SATL1: variants seen among roughly 807,000 people sequenced by gnomAD.
SATL1 encodes the protein spermidine/spermine N1-acetyl transferase like 1.
In SATL1, 47 loss-of-function variants were observed where a neutral mutation model predicts 51.8. That is an observed-to-expected ratio of 0.91 (90% CI 0.72 to 1.16). The LOEUF is 1.16. Ranked by LOEUF, SATL1 falls within the 50% of genes most tolerant of loss-of-function variation. The pLI is 0.00. For missense variants in SATL1, 520 were observed against 526.4 expected (o/e 0.99, Z 0.12); for synonymous variants, 176 against 182.4 (o/e 0.97, Z 0.28).
chrX:85,104,136 T>A (rs1924970636), intron 3 of SATL1, among the ~76,000 whole-genome samples: 1 of 111,882 alleles, frequency 8.9e-6, no homozygotes, highest in Admixed American at 9.5e-5. Flanking sequence ...ACTATGTTTA[T>A]ACCTCACACA....
chrX:85,185,861 C>T (rs1484698103), intron 2 of SATL1, among the ~76,000 whole-genome samples: 1 of 109,840 alleles, frequency 9.1e-6, no homozygotes, highest in Non-Finnish European at 1.9e-5. Flanking sequence ...GACAAAGTCC[C>T]CTTTACTCTT....
intron 2 of SATL1, among the ~76,000 whole-genome samples, chrX:85,197,508 T>C (rs1476508112): frequency 9.1e-6 from 1 of 110,468 alleles, no homozygotes; most frequent in Admixed American, 9.7e-5. Context: ...TACTTTATTA[T>C]TATTGTACTT....
intron 2 of SATL1, among the ~76,000 whole-genome samples, chrX:85,154,666 C>A (rs1926543813): frequency 1.8e-5 from 2 of 112,238 alleles, no homozygotes; most frequent in South Asian, 7.3e-4. Context: ...GCCATCTGGC[C>A]ACTAGACCTA....
intron 2 of SATL1, among the ~76,000 whole-genome samples, chrX:85,204,576 A>G (rs893911912): frequency 4.8e-4 from 54 of 112,239 alleles, no homozygotes; most frequent in African/African-American, 1.7e-3. Flanking sequence ...GTGAGTCACT[A>G]TGTTTTTGGA....
chrX:85,199,921 T>G (rs769114229), intron 2 of SATL1, among the ~76,000 whole-genome samples: 4 of 111,782 alleles, frequency 3.6e-5, no homozygotes, highest in Non-Finnish European at 7.5e-5. Context: ...CAATAATTTA[T>G]TGTGTATTTT....
chrX:85,177,087 C>T (rs1165212472), intron 2 of SATL1, among the ~76,000 whole-genome samples: 2 of 111,263 alleles, frequency 1.8e-5, no homozygotes, highest in African/African-American at 6.5e-5. Context: ...TCAAGTGTGT[C>T]AAGGTCATAT....
chrX:85,092,878 T>G (rs1343350885), intron 7 of SATL1: 3 of 327,917 alleles, frequency 9.1e-6, no homozygotes, highest in African/African-American at 2.6e-5. Flanking sequence ...TCTTGTAATA[T>G]TCATACTGTG....
chrX:85,184,605 A>T (rs771523608), intron 2 of SATL1, among the ~76,000 whole-genome samples: 8 of 112,091 alleles, frequency 7.1e-5, no homozygotes, highest in African/African-American at 2.6e-4. Flanking sequence ...TTCTGAAGTT[A>T]AGAGACTCTG....
chrX:85,181,415 G>A (rs928561608), intron 2 of SATL1, among the ~76,000 whole-genome samples: 19 of 109,634 alleles, frequency 1.7e-4, no homozygotes, highest in African/African-American at 6.3e-4. Flanking sequence ...GATTAACCTA[G>A]TATTTCAGTT....
At chrX:85,165,419 A>G (rs1488249603) in intron 2 of SATL1, among the ~76,000 whole-genome samples, 1 of 99,634 alleles carries the variant, frequency 1.0e-5, no homozygotes, top group Non-Finnish European at 2.1e-5. Flanking sequence ...TATGATCTCT[A>G]TTTCTCTGGA....
chrX:85,201,565 G>C (rs189889198), intron 2 of SATL1, among the ~76,000 whole-genome samples: 1 of 111,027 alleles, frequency 9.0e-6, no homozygotes, highest in African/African-American at 3.3e-5. Context: ...CATCACCCAG[G>C]TATTAAACTC....
intron 2 of SATL1, among the ~76,000 whole-genome samples, chrX:85,127,977 A>G (rs942785468): frequency 9.7e-6 from 1 of 103,056 alleles, no homozygotes; most frequent in Non-Finnish European, 1.9e-5. Context: ...ACAAGAACTT[A>G]TCCTTTTTTT....
chrX:85,146,816 T>C (rs775022287), intron 2 of SATL1, among the ~76,000 whole-genome samples: 3 of 111,723 alleles, frequency 2.7e-5, no homozygotes, highest in African/African-American at 1.0e-4. Context: ...TCTCCATAAA[T>C]ACATGGACAT....
chrX:85,129,598 A>C (rs1925722756), intron 2 of SATL1, among the ~76,000 whole-genome samples: 1 of 111,526 alleles, frequency 9.0e-6, no homozygotes, highest in Non-Finnish European at 1.9e-5. Context: ...GCAAACAGGG[A>C]CAATTTGACT....
At chrX:85,101,386 G>A (rs1268748305) in intron 4 of SATL1, among the ~76,000 whole-genome samples, 1 of 111,938 alleles carries the variant, frequency 8.9e-6, no homozygotes, top group East Asian at 2.8e-4. Flanking sequence ...ATCATAAATA[G>A]ACACTTCTCA....
chrX:85,175,434 T>A (rs981710438), intron 2 of SATL1, among the ~76,000 whole-genome samples: 2 of 111,574 alleles, frequency 1.8e-5, no homozygotes, highest in Admixed American at 1.9e-4. Flanking sequence ...TAAAAATTAC[T>A]AATAAAATTT....
chrX:85,232,530 C>A (rs1019777593), intron 1 of SATL1, among the ~76,000 whole-genome samples: 6 of 111,688 alleles, frequency 5.4e-5, no homozygotes, highest in African/African-American at 2.0e-4. Flanking sequence ...GATGTCATTT[C>A]TAGACTTATA....
At chrX:85,156,336 A>G (rs771494044) in intron 2 of SATL1, 2 of 111,628 alleles carry the variant, frequency 1.8e-5, no homozygotes, top group East Asian at 5.6e-4. Flanking sequence ...AGAGGCGTTC[A>G]TCAGGACTCC....
chrX:85,097,159 T>A (rs974959865), intron 4 of SATL1, among the ~76,000 whole-genome samples: 1 of 110,762 alleles, frequency 9.0e-6, no homozygotes, highest in African/African-American at 3.3e-5. Flanking sequence ...GAAACCCACA[T>A]ATACAGAGGA....
Sources: gnomAD v4.1 joint callset for allele counts (sites outside exome capture counted in the v4.1 genomes callset) on GRCh38, gnomAD v4.1.1 for gene constraint, MANE v1.5 for transcripts, NCBI Gene and HGNC (gene_info 2026-07-23, HGNC 2026-07-21) for gene names.